The following NSD1 variants were observed in gnomAD, a reference collection of about 807,000 sequenced individuals.
The protein encoded by NSD1 is nuclear receptor binding SET domain protein 1, also known as histone-lysine N-methyltransferase, H3 lysine-36 specific.
NSD1 carries 26 observed loss-of-function variants against 242.7 expected under a neutral mutation model. The observed-to-expected ratio is 0.11, with a 90% CI of 0.08 to 0.15. The LOEUF is 0.15. NSD1 is among the 10% of genes least tolerant of loss of function. NSD1 has a pLI of 1.00. For synonymous variants in NSD1, 1,106 were observed against 1,178.1 expected (o/e 0.94, Z 1.25); for missense variants, 2,495 against 3,272.8 (o/e 0.76, Z 5.80).
At chr5:177,181,416 G>GTT (rs1169082532) in intron 2 of NSD1, among the ~76,000 whole-genome samples, 2 of 130,080 alleles carry the variant, frequency 1.5e-5, no homozygotes, top group African/African-American at 5.9e-5. Context: ...TTCATTATGG[G>GTT]TTTTTTTTTG....
chr5:177,290,430 C>T (rs1263104505), intron 21 of NSD1, among the ~76,000 whole-genome samples: 1 of 132,324 alleles, frequency 7.6e-6, no homozygotes, highest in Admixed American at 8.2e-5. Context: ...TTTTTTGAGA[C>T]GGAGTCTCGC....
At chr5:177,142,076 C>G (rs932557543) in intron 2 of NSD1, among the ~76,000 whole-genome samples, 6 of 152,190 alleles carry the variant, frequency 3.9e-5, no homozygotes, top group South Asian at 2.1e-4. Flanking sequence ...TCAAGTGATA[C>G]GCCTGCCTCT....
chr5:177,274,096 G>A (rs1452366112), intron 17 of NSD1, among the ~76,000 whole-genome samples: 2 of 152,112 alleles, frequency 1.3e-5, no homozygotes, highest in Admixed American at 1.3e-4. Context: ...AGAGGTTGCA[G>A]TGAGCCGAGA....
intron 14 of NSD1, chr5:177,265,930 C>G (rs1757403495): frequency 2.2e-6 from 3 of 1,374,722 alleles, no homozygotes; most frequent in Non-Finnish European, 3.1e-6. Context: ...AGATGTCTAC[C>G]TCCTTTATGA....
chr5:177,141,700 C>G (rs952094655), intron 2 of NSD1, among the ~76,000 whole-genome samples: 2 of 152,116 alleles, frequency 1.3e-5, no homozygotes, highest in African/African-American at 4.8e-5. Flanking sequence ...CAGTCTCATT[C>G]ACTTTCATTG....
rs202041399 is a variant in NSD1, at chr5:177,238,265, T to C, written c.3950T>C (p.Leu1317Pro). The C allele has an allele frequency of 1.9e-6, 3 of 1,614,162 alleles. No individual in the cohort carries two copies. Among genetic ancestry groups the C allele is most frequent in the African/African-American group, 1.3e-5 (1 of 75,040 alleles). ...AGTTCCCGCTGTGAAGAGGAAAGCC[T>C]TCTAGCCCGAGGTCGATCTAGTGCT... is the stretch of plus-strand genomic sequence containing the variant. ...KVSSRCEEES[L>P]LARGRSSAQN... The change falls in exon 7 of 23, where the codon CTT (leucine) becomes CCT (proline). Residue 1317 changes from leucine (L) to proline (P), a missense_variant. Physicochemically the swap from Leu to Pro is moderately conservative, Grantham distance 98. This residue lies in a region of NSD1 where 100 missense variants were observed against 190.7 expected (regional missense o/e 0.52). Coordinates refer to ENST00000439151, the MANE Select transcript of NSD1 (RefSeq NM_022455.5). The surrounding 1 kb of genome is among the most constrained non-coding windows in gnomAD (Gnocchi z 4.6).
chr5:177,296,848 A>G lies in NSD1; in HGVS notation c.*1389A>G, dbSNP rs930791822. On this transcript the variant is annotated 3_prime_UTR_variant, in exon 23 of 23. Transcript: ENST00000439151. Reference sequence around the variant, plus strand: ...AGTGCTGTTTGGCTAGTTTCCTCCCACTTGTCTACCCCTCCTTTGTCCTTA... The same window carrying G: ...AGTGCTGTTTGGCTAGTTTCCTCCCGCTTGTCTACCCCTCCTTTGTCCTTA... 4.3e-6 allele frequency: 1 copy of G among 232,998 alleles called. No individual in the cohort carries two copies. Among genetic ancestry groups the G allele is most frequent in the African/African-American group, 2.2e-5 (1 of 45,238 alleles). 14.4% of individuals were successfully genotyped at this position (232,998 alleles called of 1,614,324 possible).
chr5:177,280,867 C>T (rs1758816559), intron 18 of NSD1, 33 bp downstream of exon 18: 4 of 1,610,554 alleles, frequency 2.5e-6, no homozygotes, highest in South Asian at 1.1e-5. Flanking sequence ...TATACTTTCT[C>T]CTCTTTGCAG....
At position 177,161,297 on chromosome 5, in the gene NSD1, T is replaced by C. The variant is rs115098870; in HGVS notation, c.927+25267T>C. On this transcript the variant is annotated intron_variant, in intron 2 of 22. Coordinates refer to ENST00000439151, the MANE Select transcript of NSD1 (RefSeq NM_022455.5). ...CTTGGGTGGTTGAGGTGGGAAGATA[T>C]CTGAGCTCAGGAGTTCCAGGCTGCA... Among the ~76,000 whole-genome samples the C allele has an allele frequency of 2.5e-3, 374 of 151,790 alleles. 2 individuals are homozygous for C. The highest frequency in any genetic ancestry group is 8.7e-3 in the African/African-American group (359 of 41,426).
chr5:177,277,053 C>A (rs1758450445), intron 17 of NSD1, among the ~76,000 whole-genome samples: 1 of 151,804 alleles, frequency 6.6e-6, no homozygotes, highest in Non-Finnish European at 1.5e-5. Flanking sequence ...AACATATTAA[C>A]CATATTGAGC....
chr5:177,251,635 C>G, intron 11 of NSD1, 95 bp from the exon 12 acceptor site: 3 of 1,350,358 alleles, frequency 2.2e-6, no homozygotes, highest in Non-Finnish European at 3.2e-6. Flanking sequence ...TTTTCTGCCA[C>G]TTTTAACCTT....
At chr5:177,256,249 T>C (rs1756444798) in intron 12 of NSD1, among the ~76,000 whole-genome samples, 1 of 151,462 alleles carries the variant, frequency 6.6e-6, no homozygotes, top group Admixed American at 6.6e-5. Flanking sequence ...AAGTTTCTAC[T>C]TATCTTTAAC....
intron 14 of NSD1, chr5:177,266,503 A>C: frequency 1.6e-6 from 1 of 627,942 alleles, no homozygotes. Context: ...TTTGGACGTC[A>C]TGCCCTCGAC....
rs1413099071 is a variant in NSD1, at chr5:177,238,200, T to C, written c.3922-37T>C. On this transcript the variant is annotated intron_variant, in intron 6 of 22. Transcript: ENST00000439151. The surrounding 1 kb of genome is among the most constrained non-coding windows in gnomAD (Gnocchi z 4.6). ...TTTTGACACTTAAATTACAACAATT[T>C]TGGCCTGTGGACTCTATTTTTATTT... The C allele has an allele frequency of 1.2e-6, 2 of 1,612,628 alleles. No individual in the cohort carries two copies. The highest frequency in any genetic ancestry group is 1.7e-6 in the Non-Finnish European group (2 of 1,178,672).
At position 177,269,718 on chromosome 5, in the gene NSD1, C is replaced by T. The variant is rs759106773; in HGVS notation, c.5420C>T (p.Thr1807Ile). Residue 1807 changes from threonine (T) to isoleucine (I), a missense_variant, in exon 16 of 23, where the codon ACT becomes ATT. Thr to Ile is a moderately conservative substitution (Grantham distance 89). Around this residue, in one of 19 missense-constraint regions of NSD1, gnomAD observed 114 missense variants for 247.4 expected, o/e 0.46. Transcript: ENST00000439151. This position sits in a 1 kb window ranked among gnomAD's most constrained non-coding sequence, Gnocchi z 5.1. ...LFFGSNDYLWTHQARVFPYME... is the reference protein window; with the variant it reads ...LFFGSNDYLWIHQARVFPYME... ...TTTGGATCTAATGACTATTTGTGGA[C>T]TCACCAGGCCCGAGTCTTCCCTTAC... is the stretch of plus-strand genomic sequence containing the variant. 4 of 1,613,894 alleles carry T rather than the reference C, an allele frequency of 2.5e-6. No individual in the cohort carries two copies. The highest frequency in any genetic ancestry group is 1.7e-5 in the Admixed American group (1 of 59,982).
rs186369269 is a variant in NSD1 at position 177,204,039 on chromosome 5, C to T, written c.1064-81C>T. On this transcript the variant is annotated intron_variant, in intron 3 of 22. Transcript: ENST00000439151. ...GTTGTTTCCAGACAGTCTTCTTTGG[C>T]GGCAATGATGTGGCTGTTCTCTTAA... 241 of 1,319,812 alleles carry T rather than the reference C, an allele frequency of 1.8e-4. 1 individual carries two copies. In the East Asian group the frequency reaches 3.5e-3, roughly 19 times the overall value. 81.8% of individuals were successfully genotyped at this position (1,319,812 alleles called of 1,614,324 possible).
At chr5:177,229,767 G>A in intron 5 of NSD1, 2 of 409,434 alleles carry the variant, frequency 4.9e-6, no homozygotes, top group Non-Finnish European at 4.8e-6. Context: ...TTTTTGAGGT[G>A]GAGTCTTGCT....
At chr5:177,256,136 TC>T (rs1683982039) in intron 12 of NSD1, among the ~76,000 whole-genome samples, 1 of 152,106 alleles carries the variant, frequency 6.6e-6, no homozygotes, top group African/African-American at 2.4e-5. Context: ...AAGATCTAGA[TC>T]CAGAGAGAGG....
intron 17 of NSD1, among the ~76,000 whole-genome samples, chr5:177,275,363 G>A (rs375326950): frequency 8.7e-5 from 13 of 148,874 alleles, no homozygotes; most frequent in South Asian, 2.1e-4. Context: ...GGGTAATGCC[G>A]TAAGAAATCT....
Sources: gnomAD v4.1 joint callset for allele counts (sites outside exome capture counted in the v4.1 genomes callset) on GRCh38, gnomAD v4.1.1 for gene constraint, gnomAD v4.1.1 regional missense constraint, Gnocchi (gnomAD v3.1) non-coding constraint, MANE v1.5 for transcripts, NCBI Gene and HGNC (gene_info 2026-07-23, HGNC 2026-07-21) for gene names.